The following ARHGAP12 variants were observed in gnomAD, a reference collection of about 807,000 sequenced individuals.
ARHGAP12 encodes Rho GTPase activating protein 12.
In ARHGAP12, 64 loss-of-function variants were observed where a neutral mutation model predicts 108.6. That is an observed-to-expected ratio of 0.59 (90% confidence interval 0.48 to 0.73). The LOEUF (loss-of-function observed/expected upper bound fraction) is 0.73, where lower values mean the gene tolerates loss of function less well. ARHGAP12 is among the 30% of genes least tolerant of loss of function. The pLI, the probability that ARHGAP12 is intolerant of heterozygous loss-of-function variation, is 0.00. For missense variants in ARHGAP12, 940 were observed against 1,005.9 expected (o/e 0.93, Z 0.89); for synonymous variants, 312 against 337.2 (o/e 0.93, Z 0.82).
At chr10:31,898,730 C>T (rs761634551) in intron 3 of ARHGAP12, among the ~76,000 whole-genome samples, 1 of 152,098 alleles carries the variant, frequency 6.6e-6, no homozygotes, top group African/African-American at 2.4e-5. Flanking sequence ...CAGTCACATG[C>T]TGTACAGGTT....
intron 3 of ARHGAP12, among the ~76,000 whole-genome samples, chr10:31,888,558 C>A (rs561228690): frequency 6.6e-6 from 1 of 152,230 alleles, no homozygotes; most frequent in South Asian, 2.1e-4. Flanking sequence ...TAAAAAGAAT[C>A]CTGACAGTGA....
In ARHGAP12 at chr10:31,882,195, T is replaced by C. The variant is rs564991484; in HGVS notation, c.685-20537A>G. Among the ~76,000 whole-genome samples the C allele has an allele frequency of 2.0e-5, 3 of 152,328 alleles. No individual in the cohort carries two copies. In the East Asian group the frequency reaches 5.8e-4, roughly 29 times the overall value. Reference sequence around the variant, plus strand: ...TCCCAAAGTGCTAGATGTTTTTATATCAGATGAAAATAAACTAAGAATAAA... The same window carrying C: ...TCCCAAAGTGCTAGATGTTTTTATACCAGATGAAAATAAACTAAGAATAAA... On this transcript the variant is annotated intron_variant, in intron 3 of 19. Coordinates refer to ENST00000344936, the MANE Select transcript of ARHGAP12 (RefSeq NM_018287.7).
At chr10:31,928,579 C>G (rs552622692) in intron 1 of ARHGAP12, 104 bp downstream of exon 1, 14 of 153,262 alleles carry the variant, frequency 9.1e-5, no homozygotes, top group African/African-American at 3.1e-4. Context: ...CGCCTCCCCC[C>G]GACTCCACCG....
chr10:31,878,120 A>G (rs1418035266), intron 3 of ARHGAP12, among the ~76,000 whole-genome samples: 4 of 152,344 alleles, frequency 2.6e-5, no homozygotes, highest in African/African-American at 7.2e-5. Context: ...TAAGCTGCAC[A>G]AAATGTTATA....
At chr10:31,861,350 A>G (rs1347030826) in intron 4 of ARHGAP12, 45 bp downstream of exon 4, 1 of 1,546,632 alleles carries the variant, frequency 6.5e-7, no homozygotes, top group East Asian at 2.3e-5. Context: ...AATAATGAAA[A>G]GAGAAAATCT....
chr10:31,904,589 T>C (rs1297463277), intron 3 of ARHGAP12, among the ~76,000 whole-genome samples: 1 of 152,128 alleles, frequency 6.6e-6, no homozygotes, highest in Non-Finnish European at 1.5e-5. Flanking sequence ...ATGCTACCAC[T>C]AAAGGTAACT....
chr10:31,908,846 C>T lies in ARHGAP12; in HGVS notation c.10G>A (p.Ala4Thr), dbSNP rs1216690896. The T allele has an allele frequency of 2.5e-6, 4 of 1,587,988 alleles. No individual in the cohort carries two copies. Among genetic ancestry groups the T allele is most frequent in the Admixed American group, 3.4e-5 (2 of 58,508 alleles). The change falls in exon 3 of 20, where the codon GCT becomes ACT. Residue 4 changes from alanine to threonine, a missense_variant. Transcript: ENST00000344936. MKM[A>T]DRSGKIIPGQ... The stretch of plus-strand genomic sequence containing the variant: ...GGAATAATCTTCCCACTTCTGTCAG[C>T]CATTTTCATTCAATAATATTCACCT...
intron 6 of ARHGAP12, among the ~76,000 whole-genome samples, chr10:31,844,354 T>C (rs1313974780): frequency 2.0e-5 from 3 of 152,246 alleles, no homozygotes; most frequent in African/African-American, 7.2e-5. Flanking sequence ...GTTATATTTA[T>C]GTCTTTAATC....
intron 9 of ARHGAP12, among the ~76,000 whole-genome samples, chr10:31,833,415 A>G (rs1370592007): frequency 6.6e-6 from 1 of 152,114 alleles, no homozygotes; most frequent in Non-Finnish European, 1.5e-5. Context: ...CAGTAGTGAT[A>G]GACAGCCTAA....
At chr10:31,815,122 A>G (rs1347315741) in intron 13 of ARHGAP12, among the ~76,000 whole-genome samples, 4 of 38,738 alleles carry the variant, frequency 1.0e-4, no homozygotes, top group African/African-American at 3.7e-4. Context: ...CTCTGTCTCA[A>G]AAAAAAAAAA....
chr10:31,924,114 A>C (rs1839932944), intron 1 of ARHGAP12, among the ~76,000 whole-genome samples: 3 of 152,222 alleles, frequency 2.0e-5, no homozygotes, highest in Admixed American at 1.3e-4. Context: ...GAAATGCAAA[A>C]TGGTACAACC....
chr10:31,918,726 A>G (rs1227027640), intron 1 of ARHGAP12, among the ~76,000 whole-genome samples: 14 of 152,192 alleles, frequency 9.2e-5, no homozygotes, highest in Admixed American at 8.5e-4. Flanking sequence ...ATATAACTAA[A>G]TAAATAACAA....
intron 1 of ARHGAP12, among the ~76,000 whole-genome samples, chr10:31,915,311 G>A (rs548492137): frequency 2.6e-5 from 4 of 151,890 alleles, no homozygotes; most frequent in Admixed American, 6.6e-5. Flanking sequence ...GCTTGAACCC[G>A]GGAGGCGGAG....
chr10:31,922,180 CAAAAAAAAAAAAAAAAAAAA>C (rs56210740), intron 1 of ARHGAP12, among the ~76,000 whole-genome samples: 37,305 of 65,660 alleles, frequency 0.57, 7,435 homozygotes, highest in Middle Eastern at 0.64. Context: ...GACCCTGCCT[CAAAAAAAAAAAAAAAAAAAA>C]AAAAAAAAAA....
chr10:31,917,251 T>C (rs1184948740), intron 1 of ARHGAP12, among the ~76,000 whole-genome samples: 1 of 151,752 alleles, frequency 6.6e-6, no homozygotes, highest in Non-Finnish European at 1.5e-5. Flanking sequence ...CTACTAAAAA[T>C]ATAAAAATTA....
At chr10:31,898,101 G>C (rs1838779342) in intron 3 of ARHGAP12, among the ~76,000 whole-genome samples, 2 of 152,116 alleles carry the variant, frequency 1.3e-5, no homozygotes, top group Admixed American at 6.6e-5. Context: ...TCCATCCTGG[G>C]CAAGAGAGCA....
chr10:31,823,352 G>C (rs1419079244), intron 11 of ARHGAP12, among the ~76,000 whole-genome samples: 2 of 152,020 alleles, frequency 1.3e-5, no homozygotes, highest in African/African-American at 4.8e-5. Flanking sequence ...ATCTGTCCTA[G>C]AGAAGAAAAG....
intron 1 of ARHGAP12, among the ~76,000 whole-genome samples, chr10:31,926,782 TTAAC>T (rs1476501678): frequency 6.6e-6 from 1 of 152,226 alleles, no homozygotes; most frequent in Non-Finnish European, 1.5e-5. Context: ...AGTCAAATGA[TTAAC>T]TACAAGTAAC....
intron 3 of ARHGAP12, among the ~76,000 whole-genome samples, chr10:31,867,109 C>CTTTTTTTT (rs1162757740): frequency 6.8e-6 from 1 of 147,164 alleles, no homozygotes; most frequent in East Asian, 2.0e-4. Flanking sequence ...ACCTTGTTTT[C>CTTTTTTTT]TTTTTTTTGT....
Sources: allele counts gnomAD v4.1 joint callset (sites outside exome capture counted in the v4.1 genomes callset), GRCh38; gene constraint gnomAD v4.1.1; transcripts MANE v1.5; gene names NCBI Gene and HGNC (gene_info 2026-07-23, HGNC 2026-07-21).